Variants in OR56A3 observed in about 807,000 individuals in gnomAD.
OR56A3 encodes the protein olfactory receptor family 56 subfamily A member 3, also known as olfactory receptor 56A3.
OR56A3 carries 23 observed loss-of-function variants against 17.5 expected under a neutral mutation model. That is an observed-to-expected ratio of 1.32 (90% CI 0.95 to 1.87). OR56A3 has a LOEUF of 1.87. Among genes scored for constraint, OR56A3 ranks in the 40% most tolerant of loss-of-function variants. The probability of loss-of-function intolerance (pLI) is 0.00; values close to 1 mark genes in which losing one functional copy is unlikely to be tolerated. For missense variants in OR56A3, 366 were observed against 380.1 expected (o/e 0.96, Z 0.31); for synonymous variants, 175 against 150.6 (o/e 1.16, Z -1.19).
the OR56A3 span, among the ~76,000 whole-genome samples, chr11:5,957,029 C>G: frequency 6.6e-6 from 1 of 152,160 alleles, no homozygotes; most frequent in Non-Finnish European, 1.5e-5. Flanking sequence ...TGGCTTATGC[C>G]TGTAATACCA....
chr11:5,968,341 T>C, the OR56A3 span: 1 of 1,613,372 alleles, frequency 6.2e-7, no homozygotes, highest in Non-Finnish European at 8.5e-7. Flanking sequence ...TCCAGATAGA[T>C]GGTGATCAGA....
At position 5,947,984 on chromosome 11, in the gene OR56A3, C is replaced by T; in HGVS notation, c.638C>T (p.Ser213Phe). Residue 213 changes from serine to phenylalanine, a missense_variant, in exon 3 of 3, where the codon TCT becomes TTT. Physicochemically the swap from Ser to Phe is radical, Grantham distance 155. Coordinates refer to ENST00000641160, the MANE Select transcript of OR56A3 (RefSeq NM_001003443.3). ...GCTGGAGGCTGGACTCTGCTAGGATCTGACCTCATCCTTATCTTCCTCTCC... is the reference window on the plus strand; with the variant it reads ...GCTGGAGGCTGGACTCTGCTAGGATTTGACCTCATCCTTATCTTCCTCTCC... ...QFAGGWTLLGSDLILIFLSYT... is the reference protein window; with the variant it reads ...QFAGGWTLLGFDLILIFLSYT... 6.2e-7 allele frequency: 1 copy of T among 1,614,200 alleles called. No homozygotes were observed. Among genetic ancestry groups the T allele is most frequent in the East Asian group, 2.2e-5 (1 of 44,886 alleles).
the OR56A3 span, among the ~76,000 whole-genome samples, chr11:5,979,237 G>C: frequency 7.9e-5 from 12 of 151,614 alleles, no homozygotes; most frequent in East Asian, 2.3e-3. Flanking sequence ...TGGCCTCATA[G>C]AACAAGTTGG....
downstream of OR56A3, among the ~76,000 whole-genome samples, chr11:5,955,142 C>T (rs974340509): frequency 1.3e-5 from 2 of 152,134 alleles, 1 homozygote; most frequent in South Asian, 4.1e-4. Flanking sequence ...AGAGACCATA[C>T]TGAATACCTG....
At chr11:5,944,744 G>A (rs976364142) in intron 1 of OR56A3, 62 bp from the exon 2 acceptor site, 6 of 152,082 alleles carry the variant, frequency 3.9e-5, no homozygotes, top group African/African-American at 1.2e-4. Context: ...CAAATGAAAC[G>A]GTATGTTTAA....
At chr11:5,964,210 C>T in the OR56A3 span, among the ~76,000 whole-genome samples, 8 of 152,170 alleles carry the variant, frequency 5.3e-5, no homozygotes, top group African/African-American at 1.9e-4. Flanking sequence ...TCAATTTATA[C>T]ATCTCCATGT....
chr11:5,967,804 T>A, the OR56A3 span: 1 of 1,574,478 alleles, frequency 6.4e-7, no homozygotes, highest in Non-Finnish European at 8.6e-7. Context: ...TCACCCTTAA[T>A]CCTTAGCACA....
At chr11:6,009,279 T>C in the OR56A3 span, among the ~76,000 whole-genome samples, 1 of 152,198 alleles carries the variant, frequency 6.6e-6, no homozygotes, top group Non-Finnish European at 1.5e-5. Context: ...TGGTTTCTTC[T>C]AGATTGGCAA....
At chr11:5,986,644 G>A in the OR56A3 span, 38 of 1,613,916 alleles carry the variant, frequency 2.4e-5, no homozygotes, top group East Asian at 7.1e-4. Context: ...GGCTTTGGGT[G>A]CAGTGGAGGA....
chr11:5,968,636 C>G, the OR56A3 span: 1 of 623,602 alleles, frequency 1.6e-6, no homozygotes, highest in Admixed American at 3.3e-5. Flanking sequence ...TGACCAATCC[C>G]AAATGAAGGC....
At chr11:5,963,588 T>A in the OR56A3 span, among the ~76,000 whole-genome samples, 2 of 152,190 alleles carry the variant, frequency 1.3e-5, no homozygotes, top group African/African-American at 4.8e-5. Context: ...CTTCTTTATA[T>A]GTTATTTGCT....
the OR56A3 span, among the ~76,000 whole-genome samples, chr11:5,979,103 G>C: frequency 2.3e-3 from 343 of 150,768 alleles, 3 homozygotes; most frequent in Admixed American, 4.8e-3. Flanking sequence ...TGTGCTGCTG[G>C]ATTTAGTTAG....
the OR56A3 span, among the ~76,000 whole-genome samples, chr11:5,979,453 T>G: frequency 6.6e-6 from 1 of 152,048 alleles, no homozygotes; most frequent in Non-Finnish European, 1.5e-5. Flanking sequence ...TCTTGGAAGG[T>G]CGTATGTTCC....
chr11:6,001,866 A>G, the OR56A3 span: 1 of 572,722 alleles, frequency 1.7e-6, no homozygotes. Flanking sequence ...TTTCCTTTCA[A>G]GCAACAGAAA....
chr11:6,008,644 T>C, the OR56A3 span, among the ~76,000 whole-genome samples: 2 of 152,026 alleles, frequency 1.3e-5, no homozygotes, highest in African/African-American at 4.8e-5. Flanking sequence ...ATGAGGATAA[T>C]GAACCTTTCA....
At chr11:5,967,462 G>C in the OR56A3 span, 4 of 919,614 alleles carry the variant, frequency 4.3e-6, no homozygotes, top group Non-Finnish European at 6.5e-6. Flanking sequence ...ACTTATTCTC[G>C]CAGTAACAAT....
the OR56A3 span, among the ~76,000 whole-genome samples, chr11:6,011,758 G>A: frequency 6.6e-6 from 1 of 152,192 alleles, no homozygotes; most frequent in African/African-American, 2.4e-5. Flanking sequence ...CTCCAAGGGA[G>A]ACTGGAGTCA....
In OR56A3 at chr11:5,947,951, A is replaced by G; in HGVS notation, c.605A>G (p.Tyr202Cys). Reference sequence around the variant, plus strand: ...GATGATGTCACCATCAATCACCTTTACCAATTTGCTGGAGGCTGGACTCTG... The same window carrying G: ...GATGATGTCACCATCAATCACCTTTGCCAATTTGCTGGAGGCTGGACTCTG... ...SCDDVTINHLYQFAGGWTLLG... is the reference protein window; with the variant it reads ...SCDDVTINHLCQFAGGWTLLG... The change falls in exon 3 of 3, where the codon TAC becomes TGC. Residue 202 changes from tyrosine to cysteine, a missense_variant. Coordinates refer to ENST00000641160, the MANE Select transcript of OR56A3 (RefSeq NM_001003443.3). 6.2e-7 allele frequency: 1 copy of G among 1,614,128 alleles called. No homozygotes were observed.
the OR56A3 span, among the ~76,000 whole-genome samples, chr11:5,956,881 G>A: frequency 6.6e-6 from 1 of 152,158 alleles, no homozygotes; most frequent in Non-Finnish European, 1.5e-5. Context: ...GAGAGGCCTG[G>A]CGCGGTGTCT....
Sources: gnomAD v4.1 joint callset for allele counts (sites outside exome capture counted in the v4.1 genomes callset) on GRCh38, gnomAD v4.1.1 for gene constraint, MANE v1.5 for transcripts, NCBI Gene and HGNC (gene_info 2026-07-23, HGNC 2026-07-21) for gene names.